AKAP13: variants seen among roughly 807,000 people sequenced by gnomAD.
AKAP13 encodes the protein A-kinase anchoring protein 13.
AKAP13 carries 80 observed loss-of-function variants against 264.5 expected under a neutral mutation model. The ratio of observed to expected loss-of-function variants is 0.30; its 90% confidence interval spans 0.25 to 0.36. The LOEUF (loss-of-function observed/expected upper bound fraction) is 0.36, where lower values mean the gene tolerates loss of function less well. Among genes scored for constraint, AKAP13 ranks in the 10% least tolerant of loss-of-function variants. The pLI is 1.00. For synonymous variants in AKAP13, 1,380 were observed against 1,250.2 expected (o/e 1.10, Z -2.19); for missense variants, 3,712 against 3,435.2 (o/e 1.08, Z -2.01).
intron 2 of AKAP13, among the ~76,000 whole-genome samples, chr15:85,512,375 G>A (rs953582358): frequency 1.3e-5 from 2 of 152,098 alleles, no homozygotes; most frequent in African/African-American, 4.8e-5. Context: ...TCCACCTCCA[G>A]ACTCTTCCAT....
intron 14 of AKAP13, among the ~76,000 whole-genome samples, chr15:85,671,106 A>G (rs984290214): frequency 5.3e-5 from 8 of 152,108 alleles, no homozygotes; most frequent in African/African-American, 1.9e-4. Context: ...GAAGCAAAGG[A>G]AATAAACACA....
chr15:85,516,441 A>G (rs2076602991), intron 2 of AKAP13, among the ~76,000 whole-genome samples: 1 of 152,246 alleles, frequency 6.6e-6, no homozygotes, highest in Non-Finnish European at 1.5e-5. Flanking sequence ...TACACTAACA[A>G]GTTATAAACT....
intron 1 of AKAP13, among the ~76,000 whole-genome samples, chr15:85,390,600 T>A (rs900626886): frequency 6.6e-6 from 1 of 152,186 alleles, no homozygotes; most frequent in Non-Finnish European, 1.5e-5. Context: ...TTAAAAACTT[T>A]ACTCTTGGCA....
Position 85,723,216 on chromosome 15 carries a change from TGAG to T in AKAP13, c.6644_6646del (p.Arg2215del). ...ACAAAGACAGATAGCAAGTCAATCA[TGAG>T]GATGAAGAGTGGTCAGATGTTTGCC... is the stretch of plus-strand genomic sequence containing the variant. On this transcript the variant is annotated inframe_deletion, in exon 26 of 37. Coordinates refer to ENST00000394518, the MANE Select transcript of AKAP13 (RefSeq NM_007200.5). The T allele has an allele frequency of 6.2e-7, 1 of 1,614,126 alleles. No individual in the cohort carries two copies. The highest frequency in any genetic ancestry group is 8.5e-7 in the Non-Finnish European group (1 of 1,180,004).
At chr15:85,610,734 G>A (rs945524533) in intron 8 of AKAP13, among the ~76,000 whole-genome samples, 5 of 152,208 alleles carry the variant, frequency 3.3e-5, no homozygotes, top group Non-Finnish European at 7.3e-5. Flanking sequence ...CCAGCACTTC[G>A]GGAGGCCGAG....
intron 2 of AKAP13, among the ~76,000 whole-genome samples, chr15:85,490,663 C>G (rs1289128880): frequency 6.6e-6 from 1 of 152,140 alleles, no homozygotes; most frequent in African/African-American, 2.4e-5. Flanking sequence ...ACTTATACAT[C>G]AGGATTGGAA....
Position 85,734,902 on chromosome 15 carries a change from G to A in AKAP13, c.7283-90G>A, listed in dbSNP as rs542639474. 224 of 1,487,498 alleles carry A rather than the reference G, an allele frequency of 1.5e-4. 2 individuals carry two copies. The South Asian group carries it at 1.5e-3, about 10-fold the overall frequency. The allele number at this position is 1,487,498 out of a possible 1,614,324, so 92.1% of individuals were successfully genotyped here. ...AGTCACTCTTTGGAACTTTCAAGTC[G>A]TGCTCTTTGTACGTATCATATATAC... On this transcript the variant is annotated intron_variant, in intron 30 of 36. Transcript: ENST00000394518.
At chr15:85,477,039 T>G (rs140855517) in intron 1 of AKAP13, among the ~76,000 whole-genome samples, 1 of 152,120 alleles carries the variant, frequency 6.6e-6, no homozygotes, top group East Asian at 1.9e-4. Context: ...TGTGATCACA[T>G]TTTATGTTTA....
At chr15:85,630,206 C>T in intron 8 of AKAP13, among the ~76,000 whole-genome samples, 1 of 51,240 alleles carries the variant, frequency 2.0e-5, no homozygotes. Context: ...CACACACACA[C>T]ACATCATGAA....
chr15:85,513,984 G>C (rs2076526355), intron 2 of AKAP13, among the ~76,000 whole-genome samples: 1 of 137,724 alleles, frequency 7.3e-6, no homozygotes, highest in South Asian at 2.2e-4. Flanking sequence ...AACCTGTTCA[G>C]TGTATTGGCA....
At chr15:85,688,107 C>T (rs1417842654) in intron 16 of AKAP13, among the ~76,000 whole-genome samples, 2 of 151,310 alleles carry the variant, frequency 1.3e-5, no homozygotes, top group African/African-American at 4.9e-5. Flanking sequence ...GTGTTAAATA[C>T]CCTCACTCTG....
At chr15:85,736,207 CTTT>C (rs878904305) in intron 33 of AKAP13, 73 bp downstream of exon 33, 27 of 1,057,244 alleles carry the variant, frequency 2.6e-5, no homozygotes, top group Admixed American at 5.0e-5. Flanking sequence ...TTGTTTTTTC[CTTT>C]TTTTTTTTTC....
In AKAP13 at chr15:85,673,670, T is replaced by C. The variant is rs75774347; in HGVS notation, c.5101+3840T>C. Among the ~76,000 whole-genome samples, 65 of 22,836 alleles carry C rather than the reference T, an allele frequency of 2.8e-3. No individual in the cohort carries two copies. The Middle Eastern group carries it at 0.1, about 35-fold the overall frequency. The allele number at this position is 22,836 out of a possible 152,430, so 15.0% of individuals were successfully genotyped here. A position where few individuals can be genotyped will look rare whatever the true frequency, so the allele number is the denominator to read the frequency against. On this transcript the variant is annotated intron_variant, in intron 14 of 36. Transcript: ENST00000394518. ...AGATGATCCCTTTCTTTCTTTCTTTTTTTTTTTTTTTTTTTTTTTTTTGGG... is the reference window on the plus strand; with the variant it reads ...AGATGATCCCTTTCTTTCTTTCTTTCTTTTTTTTTTTTTTTTTTTTTTGGG...
At chr15:85,510,500 A>G (rs1422170179) in intron 2 of AKAP13, among the ~76,000 whole-genome samples, 1 of 152,246 alleles carries the variant, frequency 6.6e-6, no homozygotes, top group African/African-American at 2.4e-5. Context: ...CAGATATTTT[A>G]AGACTCATTT....
intron 8 of AKAP13, among the ~76,000 whole-genome samples, chr15:85,608,388 A>T (rs1346471014): frequency 6.6e-6 from 1 of 152,220 alleles, no homozygotes; most frequent in East Asian, 1.9e-4. Flanking sequence ...AGACATTATT[A>T]GTTATTCATC....
At chr15:85,649,721 G>A (rs1286401795) in intron 10 of AKAP13, among the ~76,000 whole-genome samples, 1 of 152,134 alleles carries the variant, frequency 6.6e-6, no homozygotes, top group Non-Finnish European at 1.5e-5. Flanking sequence ...TTATTCTCAT[G>A]AATATGTGTG....
intron 9 of AKAP13, 46 bp from the exon 10 acceptor site, chr15:85,645,772 T>G (rs766173771): frequency 4.1e-6 from 6 of 1,466,076 alleles, no homozygotes; most frequent in Non-Finnish European, 5.4e-6. Context: ...TTTTGGTTTT[T>G]TTGTTTTTTT....
intron 14 of AKAP13, among the ~76,000 whole-genome samples, chr15:85,677,493 G>C (rs531777039): frequency 1.2e-4 from 18 of 152,274 alleles, no homozygotes; most frequent in African/African-American, 4.3e-4. Flanking sequence ...TCATGGGACA[G>C]ATATCTAGAT....
chr15:85,676,725 A>G (rs564919220), intron 14 of AKAP13, among the ~76,000 whole-genome samples: 4 of 152,350 alleles, frequency 2.6e-5, no homozygotes, highest in East Asian at 3.9e-4. Context: ...AACCCCAGGT[A>G]TGAATTGTGA....
Sources: gnomAD v4.1 joint callset for allele counts (sites outside exome capture counted in the v4.1 genomes callset) on GRCh38, gnomAD v4.1.1 for gene constraint, MANE v1.5 for transcripts, NCBI Gene and HGNC (gene_info 2026-07-23, HGNC 2026-07-21) for gene names.